Variants in NRXN3 observed in about 807,000 individuals in gnomAD.
The protein encoded by NRXN3 is neurexin III.
A neutral mutation model predicts 137.6 loss-of-function variants in NRXN3; 32 were observed. The ratio of observed to expected loss-of-function variants is 0.23; its 90% CI spans 0.18 to 0.31. The LOEUF (loss-of-function observed/expected upper bound fraction) is 0.31, where lower values mean the gene tolerates loss of function less well. Ranked by LOEUF, NRXN3 falls within the 10% of genes least tolerant of loss-of-function variation. The probability of loss-of-function intolerance (pLI) is 1.00; values close to 1 mark genes in which losing one functional copy is unlikely to be tolerated. For synonymous variants in NRXN3, 798 were observed against 784.5 expected, an observed-to-expected ratio of 1.02 and a Z score of -0.29; for missense variants, 1,574 against 2,062.5, an observed-to-expected ratio of 0.76 and a Z score of 4.59.
chr14:79,799,973 GAA>G (rs1176431464), intron 19 of NRXN3, among the ~76,000 whole-genome samples: 1 of 152,108 alleles, frequency 6.6e-6, no homozygotes, highest in African/African-American at 2.4e-5. Context: ...ATGAATGAAT[GAA>G]AAAAGCACCT....
At chr14:79,713,587 A>ATGTATG in intron 19 of NRXN3, among the ~76,000 whole-genome samples, 1 of 129,066 alleles carries the variant, frequency 7.7e-6, no homozygotes. Context: ...ATATATACAT[A>ATGTATG]TATATATACA....
chr14:79,323,078 T>A (rs1414508588), intron 15 of NRXN3, among the ~76,000 whole-genome samples: 1 of 152,228 alleles, frequency 6.6e-6, no homozygotes, highest in African/African-American at 2.4e-5. Context: ...TCTGTTGCCC[T>A]GCCAGAGGGC....
At chr14:78,539,334 T>C (rs2096566564) in intron 4 of NRXN3, among the ~76,000 whole-genome samples, 2 of 152,228 alleles carry the variant, frequency 1.3e-5, no homozygotes, top group African/African-American at 4.8e-5. Flanking sequence ...CTTCCTGGTT[T>C]AGTCTTGGGA....
intron 1 of NRXN3, among the ~76,000 whole-genome samples, chr14:78,219,159 G>GC (rs960921166): frequency 6.4e-4 from 27 of 42,228 alleles, no homozygotes; most frequent in Admixed American, 3.8e-3. Flanking sequence ...TTTGGTGGGA[G>GC]GGGGGATGCA....
chr14:78,875,956 G>A (rs936223406), intron 10 of NRXN3, among the ~76,000 whole-genome samples: 5 of 152,166 alleles, frequency 3.3e-5, no homozygotes, highest in Non-Finnish European at 5.9e-5. Flanking sequence ...TTTAGGCAGA[G>A]GACAAGTAAC....
chr14:78,861,564 T>G (rs1220250861), intron 10 of NRXN3, among the ~76,000 whole-genome samples: 1 of 152,124 alleles, frequency 6.6e-6, no homozygotes, highest in Non-Finnish European at 1.5e-5. Context: ...TAACTATCAG[T>G]GTATTTCTAA....
intron 15 of NRXN3, among the ~76,000 whole-genome samples, chr14:79,110,006 A>G (rs1039125577): frequency 6.6e-6 from 1 of 152,156 alleles, no homozygotes; most frequent in Admixed American, 6.5e-5. Flanking sequence ...GGCTAATAAG[A>G]TATGTAAATT....
chr14:78,558,483 TG>T (rs2152252971), intron 4 of NRXN3, among the ~76,000 whole-genome samples: 1 of 152,362 alleles, frequency 6.6e-6, no homozygotes, highest in African/African-American at 2.4e-5. Context: ...TCCCTTTCTA[TG>T]AATATTTTCA....
chr14:79,615,716 C>T (rs1309951642), intron 16 of NRXN3, among the ~76,000 whole-genome samples: 1 of 152,056 alleles, frequency 6.6e-6, no homozygotes, highest in Non-Finnish European at 1.5e-5. Flanking sequence ...ACCATCAGCT[C>T]TCATGAGAAC....
At chr14:79,116,216 A>C (rs1177678010) in intron 15 of NRXN3, among the ~76,000 whole-genome samples, 1 of 152,054 alleles carries the variant, frequency 6.6e-6, no homozygotes, top group East Asian at 1.9e-4. Context: ...CATCCAGCTC[A>C]CCCCATGTGC....
Position 79,862,184 on chromosome 14 carries a change from C to T in NRXN3, c.*220C>T. ...AGCCACGGCTGCGGCAAGGTCCCAG[C>T]GGTCGCTGGGAGACAGAAGGTTTTG... On this transcript the variant is annotated 3_prime_UTR_variant, in exon 21 of 21. Coordinates refer to ENST00000335750, the MANE Select transcript of NRXN3 (RefSeq NM_001330195.2). 2.3e-5 allele frequency: 12 copies of T among 517,204 alleles called. No individual in the cohort carries two copies. Among genetic ancestry groups the T allele is most frequent in the South Asian group, 2.1e-4 (9 of 43,314 alleles). The allele number at this position is 517,204 out of a possible 1,614,324, so 32.0% of individuals were successfully genotyped here.
chr14:79,770,450 A>G (rs1031239725), intron 19 of NRXN3, among the ~76,000 whole-genome samples: 9 of 123,520 alleles, frequency 7.3e-5, no homozygotes, highest in Admixed American at 5.3e-4. Context: ...CAATCAAACT[A>G]GAACTCAGGA....
intron 4 of NRXN3, among the ~76,000 whole-genome samples, chr14:78,521,729 A>G (rs2096287109): frequency 6.6e-6 from 1 of 152,178 alleles, no homozygotes; most frequent in South Asian, 2.1e-4. Context: ...TACCACAATG[A>G]TATATAACTG....
At chr14:79,044,004 C>A (rs150109085) in intron 15 of NRXN3, among the ~76,000 whole-genome samples, 14 of 152,246 alleles carry the variant, frequency 9.2e-5, no homozygotes, top group Non-Finnish European at 1.9e-4. Flanking sequence ...ATTAGTAGCA[C>A]CTTTCTCCCA....
chr14:78,526,490 A>G lies in NRXN3; in HGVS notation c.758-118630A>G, dbSNP rs74323162. Reference sequence around the variant, plus strand: ...TAGCCAAAAACAAAGAAAACTAACAATGTTATTGTTAACTTTGAGCTTTCC... The same window carrying G: ...TAGCCAAAAACAAAGAAAACTAACAGTGTTATTGTTAACTTTGAGCTTTCC... On this transcript the variant is annotated intron_variant, in intron 4 of 20. Transcript: ENST00000335750. Among the ~76,000 whole-genome samples, 857 of 152,296 alleles carry G rather than the reference A, an allele frequency of 5.6e-3. 46 individuals are homozygous for G. In the East Asian group the frequency reaches 0.095, roughly 17 times the overall value.
intron 15 of NRXN3, among the ~76,000 whole-genome samples, chr14:79,260,872 T>C (rs966416218): frequency 2.6e-5 from 4 of 152,310 alleles, no homozygotes; most frequent in African/African-American, 9.6e-5. Context: ...TAGGAAATGC[T>C]TTCTAAAAGG....
chr14:79,056,639 C>G (rs1043359113), intron 15 of NRXN3, among the ~76,000 whole-genome samples: 5 of 152,086 alleles, frequency 3.3e-5, no homozygotes, highest in Non-Finnish European at 5.9e-5. Context: ...TGGAATTGCC[C>G]ACAGAACCTT....
chr14:78,720,683 T>C (rs1313491103), intron 8 of NRXN3, among the ~76,000 whole-genome samples: 1 of 152,228 alleles, frequency 6.6e-6, no homozygotes, highest in Non-Finnish European at 1.5e-5. Context: ...ACCATACTTA[T>C]CACTTCTTTG....
intron 16 of NRXN3, among the ~76,000 whole-genome samples, chr14:79,507,436 C>G (rs184431124): frequency 6.6e-6 from 1 of 152,218 alleles, no homozygotes; most frequent in Admixed American, 6.5e-5. Flanking sequence ...ACAAACAAAA[C>G]AAATTATTGA....
Sources: gnomAD v4.1 joint callset for allele counts (sites outside exome capture counted in the v4.1 genomes callset) on GRCh38, gnomAD v4.1.1 for gene constraint, MANE v1.5 for transcripts, NCBI Gene and HGNC (gene_info 2026-07-23, HGNC 2026-07-21) for gene names.